OLA1: variants seen among roughly 807,000 people sequenced by gnomAD.
OLA1 encodes obg-like ATPase 1.
Under a neutral mutation model 48.4 loss-of-function variants are expected in OLA1, and 14 were observed. The observed-to-expected ratio is 0.29, with a 90% CI of 0.19 to 0.45. The LOEUF (loss-of-function observed/expected upper bound fraction) is 0.45, where lower values mean the gene tolerates loss of function less well. Ranked by LOEUF, OLA1 falls within the 20% of genes least tolerant of loss-of-function variation. OLA1 has a pLI of 1.00. For synonymous variants in OLA1, 127 were observed against 150.4 expected (o/e 0.84, Z 1.14); for missense variants, 325 against 467.1 (o/e 0.70, Z 2.80).
intron 9 of OLA1, 176 bp downstream of exon 9, chr2:174,080,976 A>G: frequency 3.4e-6 from 2 of 587,614 alleles, no homozygotes; most frequent in Non-Finnish European, 6.1e-6. Context: ...GCCTCAATCA[A>G]TGCCGCTCCA....
chr2:174,138,922 G>C (rs1686374236), intron 5 of OLA1, among the ~76,000 whole-genome samples: 1 of 152,034 alleles, frequency 6.6e-6, no homozygotes, highest in Non-Finnish European at 1.5e-5. Flanking sequence ...TCTTCAATTA[G>C]CTAATTATTA....
At chr2:174,243,622 GAACGAGACA>G (rs1158155988) in intron 2 of OLA1, among the ~76,000 whole-genome samples, 1 of 152,022 alleles carries the variant, frequency 6.6e-6, no homozygotes, top group African/African-American at 2.4e-5. Context: ...CAATAAGCAA[GAACGAGACA>G]ATCGGTACCT....
At chr2:174,139,761 A>G (rs1257731122) in intron 5 of OLA1, among the ~76,000 whole-genome samples, 1 of 150,724 alleles carries the variant, frequency 6.6e-6, no homozygotes, top group Non-Finnish European at 1.5e-5. Flanking sequence ...GCCACTCAGG[A>G]GGCTGAGGCA....
chr2:174,214,767 G>A (rs1454141509), intron 4 of OLA1, among the ~76,000 whole-genome samples: 4 of 152,036 alleles, frequency 2.6e-5, no homozygotes, highest in African/African-American at 7.2e-5. Context: ...TTTTAAAAAG[G>A]GGCTGGGAGT....
intron 4 of OLA1, among the ~76,000 whole-genome samples, chr2:174,186,623 T>C (rs1196928468): frequency 1.3e-5 from 2 of 152,196 alleles, no homozygotes; most frequent in African/African-American, 4.8e-5. Flanking sequence ...ACAGGTTCCC[T>C]GCTGATGTTC....
intron 5 of OLA1, among the ~76,000 whole-genome samples, chr2:174,126,916 CT>C (rs1440996955): frequency 6.6e-6 from 1 of 152,044 alleles, no homozygotes; most frequent in Non-Finnish European, 1.5e-5. Context: ...AAAATACTGG[CT>C]TTTTTCATGA....
At chr2:174,238,076 G>A (rs12999101) in intron 2 of OLA1, among the ~76,000 whole-genome samples, 25,343 of 152,210 alleles carry the variant, frequency 0.17, 2,575 homozygotes, top group Non-Finnish European at 0.24. Flanking sequence ...AGGGAATAAA[G>A]TAGAAGATTA....
intron 4 of OLA1, among the ~76,000 whole-genome samples, chr2:174,142,275 G>C (rs1214181627): frequency 6.6e-6 from 1 of 152,074 alleles, no homozygotes; most frequent in Non-Finnish European, 1.5e-5. Context: ...AGAACTACTG[G>C]CATTTCCAAG....
intron 4 of OLA1, among the ~76,000 whole-genome samples, chr2:174,200,608 A>G (rs1222469340): frequency 6.6e-6 from 1 of 152,202 alleles, no homozygotes; most frequent in East Asian, 1.9e-4. Flanking sequence ...GAATATCAAT[A>G]TGGATAACTG....
intron 4 of OLA1, among the ~76,000 whole-genome samples, chr2:174,151,925 T>C (rs1160555914): frequency 6.6e-6 from 1 of 152,176 alleles, no homozygotes; most frequent in African/African-American, 2.4e-5. Context: ...GATTTGAAAA[T>C]ATAGTTTAAG....
intron 7 of OLA1, among the ~76,000 whole-genome samples, chr2:174,117,176 G>C (rs1260049051): frequency 6.6e-6 from 1 of 152,068 alleles, no homozygotes; most frequent in East Asian, 1.9e-4. Flanking sequence ...TAAAAACCAA[G>C]GTAATGTATC....
intron 4 of OLA1, among the ~76,000 whole-genome samples, chr2:174,201,737 T>A (rs1687994184): frequency 6.6e-6 from 1 of 152,162 alleles, no homozygotes; most frequent in East Asian, 1.9e-4. Context: ...AACACATTAA[T>A]CCTCAATAAA....
Position 174,156,287 on chromosome 2 carries a change from T to A in OLA1, c.374-14287A>T, listed in dbSNP as rs895151829. 2.0e-5 allele frequency among the ~76,000 whole-genome samples: 3 copies of A among 152,090 alleles called. No individual in the cohort carries two copies. The East Asian group carries it at 5.8e-4, about 29-fold the overall frequency. On this transcript the variant is annotated intron_variant, in intron 4 of 10. Transcript: ENST00000284719. ...CACCCCCTGGCCTCTATAAACTAGATGCCAGTAACACACACGCACACAAGC... is the reference window on the plus strand; with the variant it reads ...CACCCCCTGGCCTCTATAAACTAGAAGCCAGTAACACACACGCACACAAGC...
intron 10 of OLA1, among the ~76,000 whole-genome samples, chr2:174,077,321 TATAC>T (rs34621038): frequency 0.085 from 12,763 of 150,708 alleles, 609 homozygotes; most frequent in Middle Eastern, 0.16. Flanking sequence ...TAGAAATACA[TATAC>T]ATACATACAT....
chr2:174,130,027 G>A (rs554693849), intron 5 of OLA1, among the ~76,000 whole-genome samples: 20 of 152,100 alleles, frequency 1.3e-4, no homozygotes, highest in Non-Finnish European at 1.8e-4. Flanking sequence ...CAAGGCTTCC[G>A]GTTCAAAACA....
intron 5 of OLA1, among the ~76,000 whole-genome samples, chr2:174,126,949 T>C (rs1445343911): frequency 6.6e-6 from 1 of 152,234 alleles, no homozygotes; most frequent in Non-Finnish European, 1.5e-5. Flanking sequence ...AGGCTTCTAA[T>C]CTTAACATTC....
At chr2:174,216,071 G>A (rs1219290097) in intron 4 of OLA1, among the ~76,000 whole-genome samples, 1 of 152,098 alleles carries the variant, frequency 6.6e-6, no homozygotes. Flanking sequence ...CAAGGCAGGA[G>A]GACTGCTTGA....
intron 4 of OLA1, among the ~76,000 whole-genome samples, chr2:174,153,362 G>C (rs1036741932): frequency 6.6e-6 from 1 of 151,992 alleles, no homozygotes; most frequent in African/African-American, 2.4e-5. Context: ...CTTTAAAGCA[G>C]TGAAAAACAA....
intron 4 of OLA1, among the ~76,000 whole-genome samples, chr2:174,204,742 A>C (rs201334599): frequency 5.8e-5 from 2 of 34,312 alleles, no homozygotes; most frequent in African/African-American, 1.3e-4. Flanking sequence ...TAATATTCAT[A>C]AAAAAAAACT....
Sources: allele counts gnomAD v4.1 joint callset (sites outside exome capture counted in the v4.1 genomes callset), GRCh38; gene constraint gnomAD v4.1.1; transcripts MANE v1.5; gene names NCBI Gene and HGNC (gene_info 2026-07-23, HGNC 2026-07-21).